The following NAV2 variants were observed in gnomAD, a reference collection of about 807,000 sequenced individuals.
NAV2 encodes the protein helicase, APC down-regulated 1.
A neutral mutation model predicts 223.2 loss-of-function variants in NAV2; 54 were observed. The observed-to-expected ratio is 0.24, with a 90% CI of 0.19 to 0.30. The LOEUF is 0.30. NAV2 is among the 10% of genes least tolerant of loss of function. The pLI is 1.00. For synonymous variants in NAV2, 1,279 were observed against 1,239.3 expected, an observed-to-expected ratio of 1.03 and a Z score of -0.67; for missense variants, 2,806 against 3,147.5, an observed-to-expected ratio of 0.89 and a Z score of 2.60.
At chr11:20,064,645 C>G (rs2058923866) in intron 20 of NAV2, among the ~76,000 whole-genome samples, 1 of 152,196 alleles carries the variant, frequency 6.6e-6, no homozygotes, top group African/African-American at 2.4e-5. Context: ...GAAGTCCTTA[C>G]AGTAAAAGAC....
intron 1 of NAV2, among the ~76,000 whole-genome samples, chr11:19,786,573 G>A (rs774101461): frequency 2.4e-4 from 37 of 152,292 alleles, no homozygotes; most frequent in Middle Eastern, 3.4e-3. Context: ...AGTAAGTTGG[G>A]ACCCCATAAG....
At chr11:19,730,571 G>A (rs77099872) in intron 1 of NAV2, among the ~76,000 whole-genome samples, 1,774 of 152,336 alleles carry the variant, frequency 0.012, 27 homozygotes, top group African/African-American at 0.041. Flanking sequence ...GGGAGCCAGC[G>A]CTTCTGACGT....
chr11:19,927,000 A>C (rs1316695812), intron 6 of NAV2, among the ~76,000 whole-genome samples: 1 of 152,208 alleles, frequency 6.6e-6, no homozygotes, highest in Non-Finnish European at 1.5e-5. Flanking sequence ...ATCTGCTTTA[A>C]ACAGTATTTT....
intron 1 of NAV2, among the ~76,000 whole-genome samples, chr11:19,770,792 A>G (rs560274770): frequency 6.6e-6 from 1 of 152,318 alleles, no homozygotes; most frequent in Admixed American, 6.5e-5. Flanking sequence ...AATGACACGT[A>G]ATCTTCACTC....
chr11:19,746,120 A>G (rs1323693335), intron 1 of NAV2, among the ~76,000 whole-genome samples: 2 of 152,228 alleles, frequency 1.3e-5, no homozygotes, highest in Non-Finnish European at 2.9e-5. Flanking sequence ...AAGAAATAGA[A>G]TCATAGGGTC....
chr11:19,632,548 C>T (rs1368528329), intron 1 of NAV2, among the ~76,000 whole-genome samples: 1 of 152,254 alleles, frequency 6.6e-6, no homozygotes. Flanking sequence ...ACTGGCCAAC[C>T]CTTCCTGCCT....
intron 1 of NAV2, among the ~76,000 whole-genome samples, chr11:19,603,586 C>T: frequency 7.0e-6 from 1 of 142,526 alleles, no homozygotes; most frequent in East Asian, 2.0e-4. Flanking sequence ...AAGATTGCGC[C>T]ACTGCACTGC....
chr11:20,054,378 A>C, intron 18 of NAV2, 138 bp downstream of exon 18: 1 of 762,228 alleles, frequency 1.3e-6, no homozygotes, highest in Non-Finnish European at 2.0e-6. Flanking sequence ...TTTAGTGGTG[A>C]TTTCTGAGAT....
intron 1 of NAV2, among the ~76,000 whole-genome samples, chr11:19,488,793 A>G (rs1003297488): frequency 1.7e-4 from 26 of 152,226 alleles, no homozygotes; most frequent in African/African-American, 6.0e-4. Flanking sequence ...TAATGTACAA[A>G]TGAATGACCA....
At chr11:19,384,893 A>C (rs1848977254) in intron 1 of NAV2, 1 of 152,218 alleles carries the variant, frequency 6.6e-6, no homozygotes, top group Admixed American at 6.5e-5. Flanking sequence ...GTGCTTTTGC[A>C]AGAATGAGTG....
chr11:19,445,407 G>A (rs1851547946), intron 1 of NAV2, among the ~76,000 whole-genome samples: 1 of 152,158 alleles, frequency 6.6e-6, no homozygotes, highest in Admixed American at 6.5e-5. Flanking sequence ...GAGGCACCAG[G>A]CATGGGACTA....
chr11:19,691,893 G>A (rs2049185606), intron 1 of NAV2, among the ~76,000 whole-genome samples: 1 of 152,246 alleles, frequency 6.6e-6, no homozygotes, highest in Non-Finnish European at 1.5e-5. Flanking sequence ...AAAATGCACA[G>A]CTAAATGCTT....
intron 1 of NAV2, among the ~76,000 whole-genome samples, chr11:19,635,262 A>C (rs966535481): frequency 2.0e-5 from 3 of 152,232 alleles, no homozygotes; most frequent in African/African-American, 7.2e-5. Flanking sequence ...TTTTATCCTG[A>C]AAGTAGTGCA....
intron 1 of NAV2, among the ~76,000 whole-genome samples, chr11:19,375,299 C>T (rs1330443556): frequency 2.6e-5 from 4 of 152,238 alleles, no homozygotes; most frequent in Non-Finnish European, 4.4e-5. Context: ...TGTTTCCCTG[C>T]TGCAGACACT....
chr11:19,496,207 A>G (rs773666222), intron 1 of NAV2, among the ~76,000 whole-genome samples: 1 of 152,230 alleles, frequency 6.6e-6, no homozygotes, highest in Non-Finnish European at 1.5e-5. Context: ...TGAAAAATTT[A>G]TATGTAATGA....
At chr11:19,528,804 C>T (rs562832548) in intron 1 of NAV2, among the ~76,000 whole-genome samples, 1 of 152,012 alleles carries the variant, frequency 6.6e-6, no homozygotes, top group South Asian at 2.1e-4. Context: ...ATGATGCACA[C>T]TTGTAGTCCC....
chr11:19,578,798 A>T lies in NAV2; in HGVS notation c.75+227771A>T, dbSNP rs181912870. Among the ~76,000 whole-genome samples, 6 of 152,334 alleles carry T rather than the reference A, an allele frequency of 3.9e-5. No homozygotes were observed. In the East Asian group the frequency reaches 1.2e-3, roughly 29 times the overall value. On this transcript the variant is annotated intron_variant, in intron 1 of 37. Transcript: ENST00000360655. ...TACAGGGCAGGGTTGAGCAGTTGTC[A>T]TGCAGAGCGGATGACCCTAAAGCCT... is the stretch of plus-strand genomic sequence containing the variant.
intron 1 of NAV2, among the ~76,000 whole-genome samples, chr11:19,751,103 T>C (rs182310802): frequency 2.3e-4 from 35 of 152,282 alleles, no homozygotes; most frequent in Admixed American, 2.1e-3. Flanking sequence ...ACCATGGAAA[T>C]TGGCAAATGC....
At chr11:19,539,426 G>T (rs1298294970) in intron 1 of NAV2, among the ~76,000 whole-genome samples, 4 of 152,136 alleles carry the variant, frequency 2.6e-5, no homozygotes, top group African/African-American at 4.8e-5. Flanking sequence ...GGTAGCTCAG[G>T]CTTGTGTTTT....
Sources: gnomAD v4.1 joint callset for allele counts (sites outside exome capture counted in the v4.1 genomes callset) on GRCh38, gnomAD v4.1.1 for gene constraint, MANE v1.5 for transcripts, NCBI Gene and HGNC (gene_info 2026-07-23, HGNC 2026-07-21) for gene names.